The following TAL1 variants were observed in gnomAD, a reference collection of about 807,000 sequenced individuals.
TAL1 encodes TAL bHLH transcription factor 1, erythroid differentiation factor, also known as T-cell acute lymphocytic leukemia protein 1.
In TAL1, 8 loss-of-function variants were observed where a neutral mutation model predicts 17.9. The ratio of observed to expected loss-of-function variants is 0.45; its 90% confidence interval spans 0.26 to 0.81. TAL1 has a LOEUF of 0.81. Ranked by LOEUF, TAL1 falls within the 30% of genes least tolerant of loss-of-function variation. TAL1 has a pLI of 0.17. For synonymous variants in TAL1, 223 were observed against 218.6 expected (o/e 1.02, Z -0.18); for missense variants, 466 against 486.9 (o/e 0.96, Z 0.40).
chr1:47,216,507 A>G (rs1645497724), exon 4 of TAL1: 2 of 230,774 alleles, frequency 8.7e-6, no homozygotes, highest in African/African-American at 4.4e-5. Context: ...ACGTTGACGG[A>G]AAGTGCTGGG....
chr1:47,230,878 G>C (rs947431071), upstream of TAL1: 1 of 152,168 alleles, frequency 6.6e-6, no homozygotes, highest in Admixed American at 6.5e-5. Flanking sequence ...CGGATGCGAC[G>C]GGTATCAGAC....
At chr1:47,225,880 C>G (rs973653741) in exon 2 of TAL1, 2 of 1,567,650 alleles carry the variant, frequency 1.3e-6, no homozygotes, top group African/African-American at 2.8e-5. Flanking sequence ...TCGGCGGCCG[C>G]TCGGTCATCC....
At chr1:47,224,596 A>C in intron 2 of TAL1, among the ~76,000 whole-genome samples, 1 of 150,918 alleles carries the variant, frequency 6.6e-6, no homozygotes, top group Non-Finnish European at 1.5e-5. Flanking sequence ...TCCCCACCTC[A>C]CCCCACCCAT....
chr1:47,225,879 G>A (rs1446655605), exon 2 of TAL1: 2 of 1,569,484 alleles, frequency 1.3e-6, no homozygotes, highest in Non-Finnish European at 1.7e-6. Context: ...CTCGGCGGCC[G>A]CTCGGTCATC....
intron 1 of TAL1, chr1:47,228,935 C>T (rs933207878): frequency 1.5e-4 from 25 of 161,666 alleles, no homozygotes; most frequent in Non-Finnish European, 2.7e-5. Context: ...GTCCACAGAA[C>T]CGGGACCAAT....
chr1:47,219,311 C>G, exon 4 of TAL1: 1 of 500,274 alleles, frequency 2.0e-6, no homozygotes, highest in South Asian at 1.8e-5. Context: ...GCCACCCCAG[C>G]CAGCTTGGGA....
At position 47,225,501 on chromosome 1, in the gene TAL1, CG is replaced by C; in HGVS notation, c.387del (p.Ala130ProfsTer38). 1 of 1,235,176 alleles carries C rather than the reference CG, an allele frequency of 8.1e-7. No homozygotes were observed. The highest frequency in any genetic ancestry group is 1.0e-6 in the Non-Finnish European group (1 of 991,258). 76.5% of individuals were successfully genotyped at this position (1,235,176 alleles called of 1,614,324 possible). A position where few individuals can be genotyped will look rare whatever the true frequency, so the allele number is the denominator to read the frequency against. ...TAGAGCAGCGCGCGGCCGGGGGCGG[CG>C]GGGGCAGCCAGCGCGGGAGGACTCA... On this transcript the variant is annotated frameshift_variant, in exon 2 of 4. Transcript: ENST00000294339. LOFTEE classifies it high-confidence loss of function.
chr1:47,231,474 C>G (rs1239054851), upstream of TAL1, among the ~76,000 whole-genome samples: 5 of 151,898 alleles, frequency 3.3e-5, no homozygotes, highest in African/African-American at 4.8e-5. Context: ...CAAACAAACA[C>G]CACCTAGCAC....
At chr1:47,225,611 A>C (rs909985722) in exon 2 of TAL1, 2 of 1,373,688 alleles carry the variant, frequency 1.5e-6, no homozygotes, top group African/African-American at 3.1e-5. Context: ...AGGTCTGCAC[A>C]GCTCGGTGGT....
intron 3 of TAL1, among the ~76,000 whole-genome samples, chr1:47,222,418 T>A (rs920589375): frequency 3.3e-5 from 5 of 152,164 alleles, no homozygotes; most frequent in African/African-American, 1.2e-4. Context: ...ATTGCCCTCA[T>A]GAGCTTGTGG....
intron 3 of TAL1, 124 bp downstream of exon 4, chr1:47,223,880 G>T: frequency 1.1e-6 from 1 of 919,538 alleles, no homozygotes; most frequent in Non-Finnish European, 1.7e-6. Flanking sequence ...TCGGCAGTTT[G>T]GGTTTGGAAA....
intron 3 of TAL1, among the ~76,000 whole-genome samples, chr1:47,220,416 A>T (rs1384626251): frequency 3.9e-5 from 6 of 152,104 alleles, no homozygotes; most frequent in Admixed American, 3.9e-4. Context: ...ACTCTTGATC[A>T]TTACTTATGT....
chr1:47,219,314 G>A, exon 4 of TAL1: 2 of 507,748 alleles, frequency 3.9e-6, no homozygotes, highest in South Asian at 3.4e-5. Flanking sequence ...ACCCCAGCCA[G>A]CTTGGGAGGG....
exon 4 of TAL1, chr1:47,219,513 C>T (rs545001584): frequency 5.0e-6 from 4 of 802,850 alleles, no homozygotes; most frequent in South Asian, 2.9e-5. Context: ...TACCACTTTG[C>T]TCCATTTTTC....
chr1:47,219,763 T>C, exon 4 of TAL1: 1 of 1,611,302 alleles, frequency 6.2e-7, no homozygotes, highest in Non-Finnish European at 8.5e-7. Context: ...CATGGCAGGA[T>C]GGAGGCTGCG....
exon 1 of TAL1, chr1:47,229,703 G>GT (rs1296755973): frequency 6.6e-6 from 1 of 152,438 alleles, no homozygotes; most frequent in African/African-American, 2.4e-5. Context: ...AAGCAGGGAG[G>GT]TGTCTACGCG....
exon 2 of TAL1, chr1:47,225,753 C>G (rs1172269404): frequency 6.5e-7 from 1 of 1,542,660 alleles, no homozygotes; most frequent in Admixed American, 1.9e-5. Flanking sequence ...GGCTCCGCTG[C>G]GGCCGCGCGG....
At chr1:47,221,095 A>G (rs1268264649) in intron 3 of TAL1, among the ~76,000 whole-genome samples, 1 of 152,160 alleles carries the variant, frequency 6.6e-6, no homozygotes, top group African/African-American at 2.4e-5. Flanking sequence ...CAGGGTCCAG[A>G]CTCCACAGGG....
chr1:47,225,733 G>C (rs1282468441), exon 2 of TAL1: 1 of 1,522,416 alleles, frequency 6.6e-7, no homozygotes, highest in African/African-American at 1.4e-5. Context: ...CGCCCAGTTC[G>C]ATGACTGGGG....
Sources: gnomAD v4.1 joint callset for allele counts (sites outside exome capture counted in the v4.1 genomes callset) on GRCh38, gnomAD v4.1.1 for gene constraint, MANE v1.5 for transcripts, NCBI Gene and HGNC (gene_info 2026-07-23, HGNC 2026-07-21) for gene names.